Variants in DLGAP2 observed in about 807,000 individuals in gnomAD.
The protein encoded by DLGAP2 is disks large-associated protein 2.
Under a neutral mutation model 100.3 loss-of-function variants are expected in DLGAP2, and 26 were observed. That is an observed-to-expected ratio of 0.26 (90% CI 0.19 to 0.36). DLGAP2 has a LOEUF of 0.36. Among genes scored for constraint, DLGAP2 ranks in the 10% least tolerant of loss-of-function variants. The pLI, the probability that DLGAP2 is intolerant of heterozygous loss-of-function variation, is 1.00. For missense variants in DLGAP2, 1,858 were observed against 1,453.2 expected (o/e 1.28, Z -4.53); for synonymous variants, 886 against 630.1 (o/e 1.41, Z -6.08).
chr8:1,548,783 G>A lies in DLGAP2; in HGVS notation c.330G>A (p.Leu110=), dbSNP rs778327848. The change falls in exon 5 of 15, where the codon CTG becomes CTA. Residue 110 remains leucine, a synonymous_variant. Coordinates refer to ENST00000637795, the MANE Select transcript of DLGAP2 (RefSeq NM_001346810.2). ...CGCCCCCGGAGGACTGCGAGCACCTGCACCACGGGCCCGACGCGCGGCCGC... is the reference window on the plus strand; with the variant it reads ...CGCCCCCGGAGGACTGCGAGCACCTACACCACGGGCCCGACGCGCGGCCGC... ...GLAPPEDCEH[L]HHGPDARPPY... 1 of 1,592,026 alleles carries A rather than the reference G, an allele frequency of 6.3e-7. No homozygotes were observed. Among genetic ancestry groups the A allele is most frequent in the Non-Finnish European group, 8.5e-7 (1 of 1,172,280 alleles).
At chr8:1,622,347 C>G (rs1175908475) in intron 6 of DLGAP2, 1 of 152,192 alleles carries the variant, frequency 6.6e-6, no homozygotes, top group Non-Finnish European at 1.5e-5. Context: ...TGCATAGAAT[C>G]CTTACTGCTT....
intron 1 of DLGAP2, among the ~76,000 whole-genome samples, chr8:851,316 C>T (rs1018307190): frequency 2.0e-5 from 3 of 152,138 alleles, no homozygotes; most frequent in Non-Finnish European, 2.9e-5. Context: ...CGCCTGGTGA[C>T]GCATGTCTCA....
chr8:1,444,840 C>T (rs144745685), intron 3 of DLGAP2, among the ~76,000 whole-genome samples: 6 of 129,260 alleles, frequency 4.6e-5, no homozygotes, highest in Admixed American at 9.7e-5. Flanking sequence ...AGTGCAGTGG[C>T]GTGACCTCGG....
Position 847,876 on chromosome 8 carries a change from C to CCT in DLGAP2, c.19-60035_19-60034dup, listed in dbSNP as rs373425296. On this transcript the variant is annotated intron_variant, in intron 1 of 14. Coordinates refer to ENST00000637795, the MANE Select transcript of DLGAP2 (RefSeq NM_001346810.2). ...GCTCCTGTCTTTATTATTTTTTTCC[C>CCT]CTTTACTTTCTTCTGTTCGGTGGTT... Among the ~76,000 whole-genome samples, 1,113 of 152,142 alleles carry CCT rather than the reference C, an allele frequency of 7.3e-3. 6 individuals carry two copies. Among genetic ancestry groups the CCT allele is most frequent in the African/African-American group, 0.025 (1,026 of 41,498 alleles).
chr8:1,689,764 G>A (rs1799209976), intron 12 of DLGAP2, among the ~76,000 whole-genome samples: 1 of 152,178 alleles, frequency 6.6e-6, no homozygotes, highest in Non-Finnish European at 1.5e-5. Context: ...GGGGAGACGT[G>A]GTGTGAACTG....
At chr8:830,771 T>G (rs1796766053) in intron 1 of DLGAP2, among the ~76,000 whole-genome samples, 1 of 152,236 alleles carries the variant, frequency 6.6e-6, no homozygotes, top group African/African-American at 2.4e-5. Context: ...CAAGTATTTT[T>G]GTTTCTCATG....
intron 2 of DLGAP2, among the ~76,000 whole-genome samples, chr8:1,186,422 T>G (rs184039884): frequency 6.6e-6 from 1 of 152,242 alleles, no homozygotes; most frequent in African/African-American, 2.4e-5. Flanking sequence ...TTCCCAGGCC[T>G]CCTCTCCAGC....
chr8:1,386,520 G>A (rs915563865), intron 3 of DLGAP2, among the ~76,000 whole-genome samples: 60 of 152,164 alleles, frequency 3.9e-4, no homozygotes, highest in African/African-American at 1.3e-3. Context: ...TGGCTGCTCC[G>A]GAGCTCCAGG....
At chr8:1,333,785 G>T (rs1801211405) in intron 3 of DLGAP2, among the ~76,000 whole-genome samples, 1 of 152,216 alleles carries the variant, frequency 6.6e-6, no homozygotes, top group Non-Finnish European at 1.5e-5. Context: ...CTTTAGAGGA[G>T]GTAAGACACA....
At chr8:1,417,465 G>A (rs1043050629) in intron 3 of DLGAP2, among the ~76,000 whole-genome samples, 3 of 152,198 alleles carry the variant, frequency 2.0e-5, no homozygotes, top group African/African-American at 7.2e-5. Context: ...TTCTCTTACT[G>A]TGAAGGTTAA....
At chr8:1,508,682 G>A (rs1482867239) in intron 4 of DLGAP2, among the ~76,000 whole-genome samples, 1 of 149,816 alleles carries the variant, frequency 6.7e-6, no homozygotes, top group African/African-American at 2.5e-5. Context: ...CGGGGGAGTT[G>A]GAAGGAAAAA....
intron 1 of DLGAP2, among the ~76,000 whole-genome samples, chr8:831,404 C>T (rs1216861181): frequency 6.6e-6 from 1 of 152,012 alleles, no homozygotes; most frequent in African/African-American, 2.4e-5. Context: ...TGTGATGTTC[C>T]CTGCCCTGTG....
chr8:858,581 A>ATGTGTGACGCTGTCACCGTGGGCACG (rs1797327722), intron 1 of DLGAP2, among the ~76,000 whole-genome samples: 1 of 151,234 alleles, frequency 6.6e-6, no homozygotes, highest in Non-Finnish European at 1.5e-5. Context: ...CCGTGGGGAC[A>ATGTGTGACGCTGTCACCGTGGGCACG]TGTGTGACGC....
chr8:1,526,573 C>G (rs932316554), intron 4 of DLGAP2, among the ~76,000 whole-genome samples: 1 of 152,206 alleles, frequency 6.6e-6, no homozygotes, highest in Non-Finnish European at 1.5e-5. Flanking sequence ...AGCGAGACTT[C>G]CCGAGGAGGA....
intron 8 of DLGAP2, among the ~76,000 whole-genome samples, chr8:1,658,604 C>T (rs566161956): frequency 3.3e-5 from 5 of 152,244 alleles, no homozygotes; most frequent in South Asian, 4.1e-4. Flanking sequence ...TATCCATTCC[C>T]TTCTAGATTT....
chr8:1,183,660 T>C (rs1429287468), intron 2 of DLGAP2, among the ~76,000 whole-genome samples: 2 of 152,214 alleles, frequency 1.3e-5, no homozygotes, highest in East Asian at 1.9e-4. Context: ...GGGCAGGCGG[T>C]GGAGCCCAGG....
intron 2 of DLGAP2, among the ~76,000 whole-genome samples, chr8:1,166,508 G>A (rs1044784670): frequency 3.9e-5 from 6 of 152,158 alleles, no homozygotes; most frequent in Admixed American, 3.3e-4. Context: ...CCTTTTCACT[G>A]TATATATTGC....
At chr8:1,241,160 A>G (rs76882570) in intron 2 of DLGAP2, among the ~76,000 whole-genome samples, 4 of 33,002 alleles carry the variant, frequency 1.2e-4, no homozygotes, top group Non-Finnish European at 3.3e-4. Flanking sequence ...TGCCATGTCT[A>G]GTTCTCTCAC....
At chr8:1,417,895 G>T (rs1796975747) in intron 3 of DLGAP2, among the ~76,000 whole-genome samples, 1 of 152,308 alleles carries the variant, frequency 6.6e-6, no homozygotes, top group Admixed American at 6.5e-5. Flanking sequence ...GCAGTTCCAG[G>T]AGCCTTTTGC....
Sources: allele counts gnomAD v4.1 joint callset (sites outside exome capture counted in the v4.1 genomes callset), GRCh38; gene constraint gnomAD v4.1.1; transcripts MANE v1.5; gene names NCBI Gene and HGNC (gene_info 2026-07-23, HGNC 2026-07-21).